ZCCHC14: variants seen among roughly 807,000 people sequenced by gnomAD.
ZCCHC14 encodes the protein zinc finger CCHC domain-containing protein 14.
ZCCHC14 carries 16 observed loss-of-function variants against 85.0 expected under a neutral mutation model. The observed-to-expected ratio is 0.19, with a 90% CI of 0.13 to 0.29. ZCCHC14 has a LOEUF of 0.29. ZCCHC14 is among the 10% of genes least tolerant of loss of function. The pLI, the probability that ZCCHC14 is intolerant of heterozygous loss-of-function variation, is 1.00. For missense variants in ZCCHC14, 1,303 were observed against 1,443.5 expected (o/e 0.90, Z 1.58); for synonymous variants, 775 against 630.7 (o/e 1.23, Z -3.43).
Position 87,492,258 on chromosome 16 carries a change from C to T in ZCCHC14, c.-20G>A, listed in dbSNP as rs1015066639. The T allele has an allele frequency of 1.2e-4, 117 of 980,734 alleles. No individual in the cohort carries two copies. The African/African-American group carries it at 2.0e-3, about 17-fold the overall frequency. 60.8% of individuals were successfully genotyped at this position (980,734 alleles called of 1,614,324 possible). Reference sequence around the variant, plus strand: ...CACCATGCTGCCGCCCGCGCCGCGCCGCGACCCGGGGCCGGGGACCGCGCG... The same window carrying T: ...CACCATGCTGCCGCCCGCGCCGCGCTGCGACCCGGGGCCGGGGACCGCGCG... On this transcript the variant is annotated 5_prime_UTR_variant, in exon 1 of 13. Transcript: ENST00000671377. The surrounding 1 kb of genome is among the most constrained non-coding windows in gnomAD (Gnocchi z 6.7).
intron 10 of ZCCHC14, 120 bp downstream of exon 10, chr16:87,414,294 G>C: frequency 3.1e-6 from 4 of 1,287,166 alleles, no homozygotes; most frequent in South Asian, 2.8e-5. Context: ...CCCTCTCTGT[G>C]TACGAGTAAC....
At chr16:87,452,982 A>C (rs1910777951) in intron 2 of ZCCHC14, among the ~76,000 whole-genome samples, 1 of 152,244 alleles carries the variant, frequency 6.6e-6, no homozygotes, top group Non-Finnish European at 1.5e-5. Flanking sequence ...AAAGGAGAGA[A>C]GGCTGAATAC....
At chr16:87,440,373 C>G (rs570419967) in intron 2 of ZCCHC14, among the ~76,000 whole-genome samples, 2 of 152,244 alleles carry the variant, frequency 1.3e-5, no homozygotes, top group East Asian at 3.9e-4. Flanking sequence ...ACATATTGGT[C>G]AGGCTGGTCT....
intron 2 of ZCCHC14, among the ~76,000 whole-genome samples, chr16:87,444,493 G>C (rs1418589818): frequency 2.0e-5 from 3 of 152,176 alleles, no homozygotes; most frequent in African/African-American, 7.2e-5. Flanking sequence ...TATTTATCTA[G>C]TTAGAAAGTA....
At chr16:87,453,745 C>A (rs1250794979) in intron 2 of ZCCHC14, among the ~76,000 whole-genome samples, 10 of 152,230 alleles carry the variant, frequency 6.6e-5, no homozygotes, top group Non-Finnish European at 1.5e-4. Flanking sequence ...TCTATAATCA[C>A]ACACAATGGC....
chr16:87,481,443 G>C (rs1043830467), intron 1 of ZCCHC14, among the ~76,000 whole-genome samples: 1 of 149,972 alleles, frequency 6.7e-6, no homozygotes, highest in African/African-American at 2.5e-5. Flanking sequence ...TGCTTCCCTG[G>C]CATACTGCCT....
intron 3 of ZCCHC14, 109 bp from the exon 4 acceptor site, chr16:87,423,990 G>C: frequency 2.6e-6 from 3 of 1,165,746 alleles, no homozygotes; most frequent in East Asian, 2.5e-5. Context: ...GCTGAGCCCA[G>C]TGGGCCGTGC....
intron 1 of ZCCHC14, chr16:87,470,730 T>C (rs1051911964): frequency 6.6e-6 from 1 of 152,232 alleles, no homozygotes; most frequent in African/African-American, 2.4e-5. Context: ...TGACTGAATA[T>C]TATGCAGTCT....
intron 1 of ZCCHC14, among the ~76,000 whole-genome samples, chr16:87,479,287 G>C (rs529788927): frequency 6.6e-6 from 1 of 151,988 alleles, no homozygotes; most frequent in Admixed American, 6.5e-5. Flanking sequence ...GTGGTGGCGG[G>C]TGCCTGTAAT....
intron 2 of ZCCHC14, among the ~76,000 whole-genome samples, chr16:87,435,666 C>T (rs775874513): frequency 8.5e-5 from 13 of 152,270 alleles, no homozygotes; most frequent in African/African-American, 3.1e-4. Context: ...CACGAGGCAG[C>T]GGGCGCTGCG....
intron 3 of ZCCHC14, among the ~76,000 whole-genome samples, chr16:87,430,624 C>A (rs1000416857): frequency 2.6e-5 from 4 of 151,602 alleles, no homozygotes; most frequent in Non-Finnish European, 4.4e-5. Context: ...CAGGTTCAAG[C>A]GATTCCCCGG....
intron 1 of ZCCHC14, among the ~76,000 whole-genome samples, chr16:87,488,358 C>G (rs1304707633): frequency 6.6e-6 from 1 of 152,168 alleles, no homozygotes; most frequent in South Asian, 2.1e-4. Flanking sequence ...GCAGCATTAC[C>G]GGCCACTAGG....
rs1908283233 is a variant in ZCCHC14, at chr16:87,408,134, G to A, written c.*2146C>T. The A allele has an allele frequency of 6.6e-6, 1 of 152,634 alleles. No individual in the cohort carries two copies. The highest frequency in any genetic ancestry group is 2.4e-5 in the African/African-American group (1 of 41,450). The allele number at this position is 152,634 out of a possible 1,614,324, so 9.5% of individuals were successfully genotyped here. On this transcript the variant is annotated 3_prime_UTR_variant, in exon 13 of 13. Coordinates refer to ENST00000671377, the MANE Select transcript of ZCCHC14 (RefSeq NM_015144.3). The stretch of plus-strand genomic sequence containing the variant: ...AAGTTTCTGTTTTAATGTTTTGCTG[G>A]ATTTAAGGTTAACCTCTAATACTTA...
chr16:87,480,468 C>T (rs1050617438), intron 1 of ZCCHC14, among the ~76,000 whole-genome samples: 1 of 152,090 alleles, frequency 6.6e-6, no homozygotes, highest in Admixed American at 6.6e-5. Context: ...TTAAACTTCA[C>T]TAGAATCTCC....
chr16:87,414,687 AT>A (rs2150723472), intron 9 of ZCCHC14, 146 bp from the exon 10 acceptor site: 26 of 1,176,364 alleles, frequency 2.2e-5, no homozygotes, highest in Non-Finnish European at 3.0e-5. Flanking sequence ...CCACAGGGAA[AT>A]TCCCCCCAGA....
At chr16:87,411,489 G>T in intron 12 of ZCCHC14, 27 bp downstream of exon 12, 2 of 1,610,774 alleles carry the variant, frequency 1.2e-6, no homozygotes, top group Non-Finnish European at 1.7e-6. Flanking sequence ...CGGGAGCCTG[G>T]TGGGCGCGGC....
intron 2 of ZCCHC14, among the ~76,000 whole-genome samples, chr16:87,440,352 A>G (rs755507597): frequency 6.6e-6 from 1 of 151,994 alleles, no homozygotes; most frequent in Non-Finnish European, 1.5e-5. Flanking sequence ...TTTAGTAGAG[A>G]CAGGGTTTCG....
chr16:87,491,554 C>G lies in ZCCHC14; in HGVS notation c.570+115G>C. On this transcript the variant is annotated intron_variant, in intron 1 of 12. Coordinates refer to ENST00000671377, the MANE Select transcript of ZCCHC14 (RefSeq NM_015144.3). The surrounding 1 kb of genome is among the most constrained non-coding windows in gnomAD (Gnocchi z 5.9). ...CAGGTTGGAGACCTGGGTGGGAGCTCTCAGTGCAGGCTGGAGGCGTGGGTC... is the reference window on the plus strand; with the variant it reads ...CAGGTTGGAGACCTGGGTGGGAGCTGTCAGTGCAGGCTGGAGGCGTGGGTC... 1.0e-6 allele frequency: 1 copy of G among 970,994 alleles called. No individual in the cohort carries two copies. The highest frequency in any genetic ancestry group is 2.5e-5 in the South Asian group (1 of 40,644). The allele number at this position is 970,994 out of a possible 1,614,324, so 60.1% of individuals were successfully genotyped here.
Position 87,413,093 on chromosome 16 carries a change from C to T in ZCCHC14, c.1706G>A (p.Arg569Gln), listed in dbSNP as rs752162800. 2.5e-6 allele frequency: 4 copies of T among 1,613,956 alleles called. No homozygotes were observed. Among genetic ancestry groups the T allele is most frequent in the Non-Finnish European group, 2.5e-6 (3 of 1,180,008 alleles). Reference protein sequence around the residue: ...SSSSPMGVQAREESSDSAEEN... With the variant: ...SSSSPMGVQAQEESSDSAEEN... Reference sequence around the variant, plus strand: ...CTCAGCGCTGTCGGAGCTCTCTTCCCGGGCCTGTACCCCCATGGGGCTGGA... The same window carrying T: ...CTCAGCGCTGTCGGAGCTCTCTTCCTGGGCCTGTACCCCCATGGGGCTGGA... The change falls in exon 11 of 13, where the codon CGG becomes CAG. Residue 569 changes from arginine (R) to glutamine (Q), a missense_variant. Physicochemically the swap from Arg to Gln is conservative, Grantham distance 43. Transcript: ENST00000671377.
Sources: allele counts gnomAD v4.1 joint callset (sites outside exome capture counted in the v4.1 genomes callset), GRCh38; gene constraint gnomAD v4.1.1; non-coding constraint Gnocchi (gnomAD v3.1); transcripts MANE v1.5; gene names NCBI Gene and HGNC (gene_info 2026-07-23, HGNC 2026-07-21).